DMD: variants seen among roughly 807,000 people sequenced by gnomAD.
The protein encoded by DMD is mutant dystrophin.
Under a neutral mutation model 330.1 loss-of-function variants are expected in DMD, and 63 were observed. The observed-to-expected ratio is 0.19, with a 90% CI of 0.16 to 0.24. The LOEUF is 0.24. DMD is among the 10% of genes least tolerant of loss of function. DMD has a pLI of 1.00. For missense variants in DMD, 3,344 were observed against 2,684.1 expected, an observed-to-expected ratio of 1.25 and a Z score of -5.43; for synonymous variants, 1,223 against 959.8, an observed-to-expected ratio of 1.27 and a Z score of -5.07.
chrX:31,635,547 T>C (rs1405907948), intron 54 of DMD, among the ~76,000 whole-genome samples: 2 of 111,441 alleles, frequency 1.8e-5, no homozygotes, highest in Non-Finnish European at 3.8e-5. Flanking sequence ...TTTTCTAATA[T>C]CAAATGGCAA....
chrX:32,063,849 T>C (rs1488750133), intron 44 of DMD, among the ~76,000 whole-genome samples: 1 of 111,024 alleles, frequency 9.0e-6, no homozygotes, highest in Non-Finnish European at 1.9e-5. Flanking sequence ...AAACAGAAAG[T>C]TTGCAAAATT....
intron 1 of DMD, among the ~76,000 whole-genome samples, chrX:33,331,647 A>G (rs1027465050): frequency 9.0e-6 from 1 of 111,332 alleles, no homozygotes; most frequent in African/African-American, 3.3e-5. Context: ...GATAAGCACC[A>G]TCCATTTACC....
At chrX:32,733,473 C>A (rs759226046) in intron 7 of DMD, among the ~76,000 whole-genome samples, 22 of 110,924 alleles carry the variant, frequency 2.0e-4, no homozygotes, top group African/African-American at 6.7e-4. Context: ...CTTTTCAGCA[C>A]CACACCACAC....
chrX:32,206,859 G>A, intron 44 of DMD: 1 of 319,396 alleles, frequency 3.1e-6, no homozygotes. Flanking sequence ...TTTGATAAAT[G>A]TTGTCCAGAT....
intron 55 of DMD, among the ~76,000 whole-genome samples, chrX:31,512,751 T>C (rs745847292): frequency 1.8e-5 from 2 of 111,874 alleles, no homozygotes; most frequent in Admixed American, 1.9e-4. Flanking sequence ...TGTAGTATAG[T>C]TTGAAGTCAG....
At chrX:32,833,405 A>C (rs1371120828) in intron 4 of DMD, among the ~76,000 whole-genome samples, 1 of 110,573 alleles carries the variant, frequency 9.0e-6, no homozygotes, top group Admixed American at 9.8e-5. Flanking sequence ...TGAACGTATT[A>C]ATAAAATGCA....
At position 31,659,639 on chromosome X, in the gene DMD, G is replaced by GGAAAAAAAAAAAAAAAA; in HGVS notation, c.7873-1496_7873-1495insTTTTTTTTTTTTTTTTC. Among the ~76,000 whole-genome samples the GGAAAAAAAAAAAAAAAA allele has an allele frequency of 5.0e-5, 2 of 39,982 alleles. 1 individual carries two copies. Among genetic ancestry groups the GGAAAAAAAAAAAAAAAA allele is most frequent in the Non-Finnish European group, 9.5e-5 (2 of 21,105 alleles). The allele number at this position is 39,982 out of a possible 115,157, so 34.7% of individuals were successfully genotyped here. ...GGCGACAGAGTGAGACTCCATCTCG[G>GGAAAAAAAAAAAAAAAA]AAAAAAAAAAAAAAAAAAAAAAAAA... is the stretch of plus-strand genomic sequence containing the variant. On this transcript the variant is annotated intron_variant, in intron 53 of 78. Transcript: ENST00000357033.
chrX:31,129,141 C>T (rs1036712311), intron 77 of DMD, among the ~76,000 whole-genome samples: 66 of 111,050 alleles, frequency 5.9e-4, no homozygotes, highest in African/African-American at 2.1e-3. Flanking sequence ...GTCTAATTTC[C>T]TCGGGCACTA....
At chrX:31,240,009 T>C (rs2048092688) in intron 63 of DMD, among the ~76,000 whole-genome samples, 1 of 111,999 alleles carries the variant, frequency 8.9e-6, no homozygotes, top group Non-Finnish European at 1.9e-5. Context: ...ATTTTTTTGT[T>C]TGCTTCTGAA....
chrX:32,489,319 G>A (rs138179222), intron 20 of DMD, among the ~76,000 whole-genome samples: 7 of 108,808 alleles, frequency 6.4e-5, no homozygotes, highest in African/African-American at 2.3e-4. Context: ...ATGTTTATAT[G>A]ACGTCATCAG....
At chrX:33,307,222 C>G (rs2148944590) in intron 1 of DMD, among the ~76,000 whole-genome samples, 1 of 111,652 alleles carries the variant, frequency 9.0e-6, no homozygotes, top group East Asian at 2.8e-4. Context: ...CTCCTTCATG[C>G]AAAGAATTCA....
At chrX:32,705,041 ATTG>A (rs1337857384) in intron 7 of DMD, among the ~76,000 whole-genome samples, 1 of 110,769 alleles carries the variant, frequency 9.0e-6, no homozygotes, top group Non-Finnish European at 1.9e-5. Context: ...AAAGCATGAT[ATTG>A]TTATTTTTAA....
intron 55 of DMD, among the ~76,000 whole-genome samples, chrX:31,620,231 A>C (rs1157169626): frequency 9.0e-6 from 1 of 111,129 alleles, no homozygotes; most frequent in Non-Finnish European, 1.9e-5. Context: ...ACTGGTATCT[A>C]TCGAGGGTAG....
chrX:33,130,487 T>C (rs951568138), intron 1 of DMD, among the ~76,000 whole-genome samples: 3 of 109,557 alleles, frequency 2.7e-5, no homozygotes, highest in Non-Finnish European at 5.7e-5. Flanking sequence ...TTGGCCTCAT[T>C]AGCTCTGGGG....
intron 11 of DMD, among the ~76,000 whole-genome samples, chrX:32,619,505 C>T (rs2057833672): frequency 8.9e-6 from 1 of 111,732 alleles, no homozygotes; most frequent in African/African-American, 3.2e-5. Context: ...TGTTAATTAG[C>T]TAGATTCAAC....
intron 43 of DMD, among the ~76,000 whole-genome samples, chrX:32,235,015 G>A (rs1027212480): frequency 8.9e-6 from 1 of 112,004 alleles, no homozygotes; most frequent in Non-Finnish European, 1.9e-5. Context: ...AACTGATTTT[G>A]TGGAAGACAA....
chrX:32,173,211 T>G (rs1038648502), intron 44 of DMD, among the ~76,000 whole-genome samples: 39 of 108,398 alleles, frequency 3.6e-4, no homozygotes, highest in African/African-American at 1.3e-3. Flanking sequence ...GAGAAAAAAA[T>G]CACTCCTCAT....
chrX:32,750,631 G>T (rs2070688724), intron 7 of DMD, among the ~76,000 whole-genome samples: 1 of 110,368 alleles, frequency 9.1e-6, no homozygotes, highest in South Asian at 3.9e-4. Flanking sequence ...CCACTTCCAA[G>T]CTGAAGACAG....
chrX:31,730,949 G>T (rs1466881600), intron 51 of DMD, among the ~76,000 whole-genome samples: 1 of 111,542 alleles, frequency 9.0e-6, no homozygotes, highest in Non-Finnish European at 1.9e-5. Flanking sequence ...ATTTTCTAAC[G>T]AATTTTGGTT....
Sources: gnomAD v4.1 joint callset for allele counts (sites outside exome capture counted in the v4.1 genomes callset) on GRCh38, gnomAD v4.1.1 for gene constraint, MANE v1.5 for transcripts, NCBI Gene and HGNC (gene_info 2026-07-23, HGNC 2026-07-21) for gene names.